The following MSL1 variants were observed in gnomAD, a reference collection of about 807,000 sequenced individuals.
MSL1 encodes the protein male-specific lethal 1 homolog.
MSL1 carries 21 observed loss-of-function variants against 64.6 expected under a neutral mutation model. The observed-to-expected ratio is 0.33, with a 90% CI of 0.23 to 0.47. The LOEUF is 0.47. MSL1 is among the 20% of genes least tolerant of loss of function. MSL1 has a pLI of 1.00. For synonymous variants in MSL1, 339 were observed against 329.6 expected (o/e 1.03, Z -0.31); for missense variants, 664 against 793.2 (o/e 0.84, Z 1.96).
intron 6 of MSL1, 174 bp downstream of exon 6, chr17:40,133,283 G>C: frequency 2.7e-6 from 2 of 745,090 alleles, no homozygotes; most frequent in Non-Finnish European, 4.3e-6. Context: ...TAGTTGTTGC[G>C]GTAAACATGT....
chr17:40,131,322 G>T lies in MSL1; in HGVS notation c.1376-215G>T. 2.1e-6 allele frequency: 1 copy of T among 474,760 alleles called. No individual in the cohort carries two copies. Among genetic ancestry groups the T allele is most frequent in the Non-Finnish European group, 3.8e-6 (1 of 263,350 alleles). The allele number at this position is 474,760 out of a possible 1,614,324, so 29.4% of individuals were successfully genotyped here. On this transcript the variant is annotated intron_variant, in intron 3 of 8. Transcript: ENST00000398532. The surrounding 1 kb of genome is among the most constrained non-coding windows in gnomAD (Gnocchi z 4.5). ...CCCTAAATAATGAAGAAAAGAAGTC[G>T]TCTCAGTGTAAAAAAAAAAAGTGGT... is the stretch of plus-strand genomic sequence containing the variant.
chr17:40,126,660 T>C, intron 2 of MSL1: 2 of 378,824 alleles, frequency 5.3e-6, no homozygotes, highest in East Asian at 1.0e-4. Context: ...TATAAAAAAT[T>C]AGCCGGGCGT....
rs1473926200 is a variant in MSL1 at position 40,135,105 on chromosome 17, A to G, written c.*736A>G. The G allele has an allele frequency of 1.3e-5, 2 of 152,372 alleles. No individual in the cohort carries two copies. The highest frequency in any genetic ancestry group is 2.9e-5 in the Non-Finnish European group (2 of 68,042). 9.4% of individuals were successfully genotyped at this position (152,372 alleles called of 1,614,324 possible). ...TCAGAACAAGTTACAGCTGTAAACAAAAGCACTTAGTATTTGGGATGGCAT... is the reference window on the plus strand; with the variant it reads ...TCAGAACAAGTTACAGCTGTAAACAGAAGCACTTAGTATTTGGGATGGCAT... On this transcript the variant is annotated 3_prime_UTR_variant, in exon 9 of 9. Coordinates refer to ENST00000398532, the MANE Select transcript of MSL1 (RefSeq NM_001365919.1).
At chr17:40,124,960 T>C (rs1420642537) in intron 1 of MSL1, 1 of 152,218 alleles carries the variant, frequency 6.6e-6, no homozygotes, top group Admixed American at 6.5e-5. Flanking sequence ...CTGTTGTGTA[T>C]TGCAATCTTA....
Position 40,134,261 on chromosome 17 carries a change from C to G in MSL1, c.1755-18C>G. On this transcript the variant is annotated intron_variant, in intron 8 of 8. Coordinates refer to ENST00000398532, the MANE Select transcript of MSL1 (RefSeq NM_001365919.1). ...CCTTCTAGTCTTGCAAGTTGATTTC[C>G]TCATCCTTTTTTGCCAGGAATTTTG... The G allele has an allele frequency of 1.3e-6, 2 of 1,550,884 alleles. No homozygotes were observed. The highest frequency in any genetic ancestry group is 8.7e-7 in the Non-Finnish European group (1 of 1,146,042).
In MSL1 at chr17:40,132,981, G is replaced by A. The variant is rs1030786449; in HGVS notation, c.1489-61G>A. 8 of 1,448,390 alleles carry A rather than the reference G, an allele frequency of 5.5e-6. No individual in the cohort carries two copies. The East Asian group carries it at 7.2e-5, about 13-fold the overall frequency. The allele number at this position is 1,448,390 out of a possible 1,614,324, so 89.7% of individuals were successfully genotyped here. A position where few individuals can be genotyped will look rare whatever the true frequency, so the allele number is the denominator to read the frequency against. Reference sequence around the variant, plus strand: ...GTTCCTGGAAGCTGGAAATTAGTTAGTATATGTGTGTAACTAATATATGGT... The same window carrying A: ...GTTCCTGGAAGCTGGAAATTAGTTAATATATGTGTGTAACTAATATATGGT... On this transcript the variant is annotated intron_variant, in intron 5 of 8. Coordinates refer to ENST00000398532, the MANE Select transcript of MSL1 (RefSeq NM_001365919.1).
At chr17:40,123,977 C>T (rs111817563) in intron 1 of MSL1, among the ~76,000 whole-genome samples, 10,356 of 152,188 alleles carry the variant, frequency 0.068, 482 homozygotes, top group South Asian at 0.11. Context: ...AATACATGAC[C>T]CACTGACCAG....
intron 2 of MSL1, among the ~76,000 whole-genome samples, chr17:40,128,601 C>T (rs1988374350): frequency 6.7e-6 from 1 of 149,834 alleles, no homozygotes; most frequent in Non-Finnish European, 1.5e-5. Context: ...AGGCTGGTCT[C>T]GAACTCCTGA....
chr17:40,122,606 G>A lies in MSL1; in HGVS notation c.-7G>A. The stretch of plus-strand genomic sequence containing the variant: ...CGCCTCGGTGCCCGGCGCTGCTCCG[G>A]ACCACTATGACCATGAGATCCGCGG... On this transcript the variant is annotated 5_prime_UTR_variant, in exon 1 of 9. Coordinates refer to ENST00000398532, the MANE Select transcript of MSL1 (RefSeq NM_001365919.1). This position sits in a 1 kb window ranked among gnomAD's most constrained non-coding sequence, Gnocchi z 4.2. 1 of 1,460,546 alleles carries A rather than the reference G, an allele frequency of 6.8e-7. No homozygotes were observed. Among genetic ancestry groups the A allele is most frequent in the Non-Finnish European group, 9.0e-7 (1 of 1,112,978 alleles). 90.5% of individuals were successfully genotyped at this position (1,460,546 alleles called of 1,614,324 possible).
chr17:40,127,250 C>T (rs12941850), intron 2 of MSL1, among the ~76,000 whole-genome samples: 4 of 151,026 alleles, frequency 2.6e-5, no homozygotes, highest in Non-Finnish European at 5.9e-5. Context: ...ACCTGTAGTC[C>T]CAGCTACTCA....
At chr17:40,132,642 C>G (rs1044288571) in intron 5 of MSL1, among the ~76,000 whole-genome samples, 1 of 151,952 alleles carries the variant, frequency 6.6e-6, no homozygotes, top group Non-Finnish European at 1.5e-5. Flanking sequence ...ATCACACACA[C>G]ACAAAAAAAA....
In MSL1 at chr17:40,135,314, T is replaced by C. The variant is rs1738693612; in HGVS notation, c.*945T>C. 2 of 152,324 alleles carry C rather than the reference T, an allele frequency of 1.3e-5. No individual in the cohort carries two copies. The highest frequency in any genetic ancestry group is 4.8e-5 in the African/African-American group (2 of 41,446). The allele number at this position is 152,324 out of a possible 1,614,324, so 9.4% of individuals were successfully genotyped here. On this transcript the variant is annotated 3_prime_UTR_variant, in exon 9 of 9. Transcript: ENST00000398532. ...ACATCTTGAAACAAACAGATGTACCTAATGAGCTTCTCCATTCACTTTGTA... is the reference window on the plus strand; with the variant it reads ...ACATCTTGAAACAAACAGATGTACCCAATGAGCTTCTCCATTCACTTTGTA...
At chr17:40,133,970 A>G (rs1397214022) in intron 8 of MSL1, 71 bp downstream of exon 8, 2 of 1,401,358 alleles carry the variant, frequency 1.4e-6, no homozygotes, top group African/African-American at 1.4e-5. Context: ...GGAAGCCTAG[A>G]TATGAGGTGG....
rs781446913 is a variant in MSL1 at position 40,131,505 on chromosome 17, CTG to C, written c.1376-31_1376-30del. 1 of 1,607,340 alleles carries C rather than the reference CTG, an allele frequency of 6.2e-7. No individual in the cohort carries two copies. Among genetic ancestry groups the C allele is most frequent in the Non-Finnish European group, 8.5e-7 (1 of 1,174,280 alleles). On this transcript the variant is annotated intron_variant, in intron 3 of 8. Transcript: ENST00000398532. This position sits in a 1 kb window ranked among gnomAD's most constrained non-coding sequence, Gnocchi z 4.5. ...GGTATGGGCTTTTTTTCTTTTTACA[CTG>C]AGATTATTCTTCTTTCCTGCATTAT... is the stretch of plus-strand genomic sequence containing the variant.
Position 40,131,388 on chromosome 17 carries a change from C to T in MSL1, c.1376-149C>T. The T allele has an allele frequency of 1.6e-6, 1 of 640,386 alleles. No homozygotes were observed. Among genetic ancestry groups the T allele is most frequent in the South Asian group, 2.0e-5 (1 of 49,122 alleles). The allele number at this position is 640,386 out of a possible 1,614,324, so 39.7% of individuals were successfully genotyped here. A position where few individuals can be genotyped will look rare whatever the true frequency, so the allele number is the denominator to read the frequency against. On this transcript the variant is annotated intron_variant, in intron 3 of 8. Coordinates refer to ENST00000398532, the MANE Select transcript of MSL1 (RefSeq NM_001365919.1). The surrounding 1 kb of genome is among the most constrained non-coding windows in gnomAD (Gnocchi z 4.5). ...TCTTTTGTCTGTTGTTCCCTCTTCC[C>T]CTCCCCCAGAGAGAAATTCTCAAAA...
chr17:40,132,866 A>G (rs1251197151), intron 5 of MSL1, among the ~76,000 whole-genome samples, 176 bp from the exon 6 acceptor site: 4 of 152,156 alleles, frequency 2.6e-5, no homozygotes, highest in African/African-American at 9.7e-5. Context: ...GGAAAGGAGT[A>G]TGTGTTTTGT....
In MSL1 at chr17:40,122,043, T is replaced by C. The variant is rs890577963; in HGVS notation, c.-570T>C. 6.6e-6 allele frequency among the ~76,000 whole-genome samples: 1 copy of C among 150,708 alleles called. No homozygotes were observed. Among genetic ancestry groups the C allele is most frequent in the Non-Finnish European group, 1.5e-5 (1 of 67,568 alleles). On this transcript the variant is annotated 5_prime_UTR_variant, in exon 1 of 9. The change abolishes the stop of an existing upstream ORF in the 5' untranslated region. Transcript: ENST00000398532. This position sits in a 1 kb window ranked among gnomAD's most constrained non-coding sequence, Gnocchi z 4.2. The stretch of plus-strand genomic sequence containing the variant: ...GCTCCGTTTTTTTAAAGGGAAACGC[T>C]GAGGCGCCGGGGGTGACTGTGGGGG...
chr17:40,130,000 A>C, intron 3 of MSL1: 1 of 159,342 alleles, frequency 6.3e-6, no homozygotes, highest in Non-Finnish European at 1.4e-5. Context: ...TGCAATTGAT[A>C]TTGTGTGAAA....
At chr17:40,133,389 AAGGC>A in intron 6 of MSL1, 141 bp from the exon 7 acceptor site, 1 of 1,043,296 alleles carries the variant, frequency 9.6e-7, no homozygotes, top group Non-Finnish European at 1.4e-6. Context: ...CTCCCTTAAC[AAGGC>A]AGTCATTTCT....
Sources: allele counts gnomAD v4.1 joint callset (sites outside exome capture counted in the v4.1 genomes callset), GRCh38; gene constraint gnomAD v4.1.1; non-coding constraint Gnocchi (gnomAD v3.1); transcripts MANE v1.5; gene names NCBI Gene and HGNC (gene_info 2026-07-23, HGNC 2026-07-21).